Variants in RAB3IL1 observed in about 807,000 individuals in gnomAD.
RAB3IL1 encodes the protein guanine nucleotide exchange factor for Rab-3A.
In RAB3IL1, 37 loss-of-function variants were observed where a neutral mutation model predicts 49.2. The ratio of observed to expected loss-of-function variants is 0.75; its 90% CI spans 0.58 to 0.99. The LOEUF is 0.99. RAB3IL1 is among the 50% of genes least tolerant of loss of function. The pLI is 0.00. For missense variants in RAB3IL1, 484 were observed against 513.0 expected (o/e 0.94, Z 0.55); for synonymous variants, 193 against 213.9 (o/e 0.90, Z 0.85).
chr11:61,920,646 G>C (rs1049728837), upstream of RAB3IL1, among the ~76,000 whole-genome samples: 5 of 152,244 alleles, frequency 3.3e-5, no homozygotes, highest in African/African-American at 1.2e-4. Flanking sequence ...GTTATTGGTG[G>C]GGCGCGGAGG....
At chr11:61,920,258 T>A (rs1939869115), upstream of RAB3IL1, 11 of 1,235,064 alleles carry the variant, frequency 8.9e-6, no homozygotes, top group Non-Finnish European at 1.1e-5. Context: ...GGAGCCTTCT[T>A]CCCCCCACCA....
At chr11:61,946,166 G>A in the RAB3IL1 span, among the ~76,000 whole-genome samples, 8 of 152,070 alleles carry the variant, frequency 5.3e-5, no homozygotes, top group Non-Finnish European at 1.0e-4. Flanking sequence ...TTCTGTGACT[G>A]GCCCAAGAGA....
chr11:61,912,986 C>T (rs988171288), intron 1 of RAB3IL1, among the ~76,000 whole-genome samples: 2 of 152,040 alleles, frequency 1.3e-5, no homozygotes, highest in Non-Finnish European at 1.5e-5. Flanking sequence ...CTGAGAACAG[C>T]GGTACCCATG....
rs368395081 is a variant in RAB3IL1, at chr11:61,904,538, C to T, written c.899+8G>A. On this transcript the variant is annotated splice_region_variant and intron_variant, in intron 7 of 9. Coordinates refer to ENST00000394836, the MANE Select transcript of RAB3IL1 (RefSeq NM_013401.4). ...ATGGGCAGGAAGGAGCTAAGACCCT[C>T]AGCTTACTTGGTGCTGCTACAGTCA... 1.3e-6 allele frequency: 2 copies of T among 1,599,094 alleles called. No homozygotes were observed. Among genetic ancestry groups the T allele is most frequent in the African/African-American group, 1.3e-5 (1 of 74,790 alleles).
intron 8 of RAB3IL1, among the ~76,000 whole-genome samples, chr11:61,901,690 T>A (rs531382786): frequency 1.3e-5 from 2 of 152,192 alleles, no homozygotes; most frequent in Non-Finnish European, 2.9e-5. Flanking sequence ...AAGCTGAGGG[T>A]GTCCCCTTGC....
upstream of RAB3IL1, among the ~76,000 whole-genome samples, chr11:61,920,698 C>T (rs1394470707): frequency 6.6e-6 from 1 of 152,190 alleles, no homozygotes; most frequent in Admixed American, 6.5e-5. Flanking sequence ...CTGAGGCGGG[C>T]GGATGACCTG....
At position 61,898,301 on chromosome 11, in the gene RAB3IL1, C is replaced by T. The variant is rs372306821; in HGVS notation, c.1126G>A (p.Gly376Ser). The change falls in exon 10 of 10, where the codon GGC becomes AGC. Residue 376 changes from glycine to serine, a missense_variant. Gly to Ser is a moderately conservative substitution (Grantham distance 56). Transcript: ENST00000394836. This position sits in a 1 kb window ranked among gnomAD's most constrained non-coding sequence, Gnocchi z 5.1. ...CCCTAAGCCTCCTGGGGGAAGAAGC[C>T]GAGCTTGGCCAGTGACATCTCCTTC... ...LRKEMSLAKL[G>S]FFPQEA The T allele has an allele frequency of 2.0e-5, 32 of 1,613,332 alleles. No homozygotes were observed. The highest frequency in any genetic ancestry group is 3.3e-5 in the Admixed American group (2 of 59,996).
At chr11:61,899,765 G>A (rs193116834) in intron 8 of RAB3IL1, 4 of 206,598 alleles carry the variant, frequency 1.9e-5, no homozygotes, top group Non-Finnish European at 3.0e-5. Flanking sequence ...GTCTACACTC[G>A]CCCTCTCACA....
chr11:61,914,055 G>A (rs1939575409), intron 1 of RAB3IL1, among the ~76,000 whole-genome samples: 1 of 152,198 alleles, frequency 6.6e-6, no homozygotes, highest in African/African-American at 2.4e-5. Context: ...CCTTCCCAAT[G>A]AAGAGGCCTG....
chr11:61,931,443 A>G, the RAB3IL1 span, among the ~76,000 whole-genome samples: 1 of 152,238 alleles, frequency 6.6e-6, no homozygotes, highest in Admixed American at 6.5e-5. Flanking sequence ...AATGTTACCC[A>G]ACAAAATATC....
chr11:61,923,071 C>A (rs1042380556), upstream of RAB3IL1, among the ~76,000 whole-genome samples: 1 of 152,156 alleles, frequency 6.6e-6, no homozygotes, highest in Non-Finnish European at 1.5e-5. Context: ...AGCCTCTTGG[C>A]CGGGGGCGGG....
rs754027212 is a variant in RAB3IL1, at chr11:61,898,247, T to C, written c.*31A>G. 6.2e-7 allele frequency: 1 copy of C among 1,601,068 alleles called. No individual in the cohort carries two copies. The highest frequency in any genetic ancestry group is 2.2e-5 in the East Asian group (1 of 44,834). ...TTCTGGGGTGGGTGTTTGCTCTGTC[T>C]CAGAGCTCCCCTTCAGGCCTGGGCC... On this transcript the variant is annotated 3_prime_UTR_variant, in exon 10 of 10. Transcript: ENST00000394836. The surrounding 1 kb of genome is among the most constrained non-coding windows in gnomAD (Gnocchi z 5.1).
the RAB3IL1 span, among the ~76,000 whole-genome samples, chr11:61,941,808 C>G: frequency 4.6e-5 from 7 of 152,066 alleles, no homozygotes; most frequent in African/African-American, 1.7e-4. Context: ...TGCAAATATC[C>G]TCAACCAAAT....
At chr11:61,902,685 CA>C (rs1938982391) in intron 7 of RAB3IL1, 144 bp from the exon 8 acceptor site, 1 of 718,090 alleles carries the variant, frequency 1.4e-6, no homozygotes, top group African/African-American at 1.8e-5. Context: ...CAAAGGAACC[CA>C]GAGCCAGGCA....
At chr11:61,930,071 G>T in the RAB3IL1 span, among the ~76,000 whole-genome samples, 2 of 151,158 alleles carry the variant, frequency 1.3e-5, no homozygotes, top group African/African-American at 2.4e-5. Flanking sequence ...AATCTTTGTG[G>T]TTTTAGTAGA....
At chr11:61,935,435 A>AG in the RAB3IL1 span, among the ~76,000 whole-genome samples, 1,613 of 144,760 alleles carry the variant, frequency 0.011, 27 homozygotes, top group Admixed American at 0.013. Context: ...AAAAAAAAAA[A>AG]AAAGAAAGAA....
upstream of RAB3IL1, among the ~76,000 whole-genome samples, chr11:61,922,203 C>A (rs191499145): frequency 6.8e-6 from 1 of 146,836 alleles, no homozygotes; most frequent in Non-Finnish European, 1.5e-5. Context: ...AGCGAGACTC[C>A]GTCTCAAAAA....
At chr11:61,899,622 C>T (rs968013704) in intron 8 of RAB3IL1, 2 of 500,724 alleles carry the variant, frequency 4.0e-6, no homozygotes, top group African/African-American at 3.8e-5. Flanking sequence ...AGCAGACGCG[C>T]TTATTATTCC....
chr11:61,943,011 A>G, the RAB3IL1 span, among the ~76,000 whole-genome samples: 1 of 152,358 alleles, frequency 6.6e-6, no homozygotes, highest in African/African-American at 2.4e-5. Flanking sequence ...AGGCGATCCT[A>G]AAATTCACAT....
Sources: gnomAD v4.1 joint callset for allele counts (sites outside exome capture counted in the v4.1 genomes callset) on GRCh38, gnomAD v4.1.1 for gene constraint, Gnocchi (gnomAD v3.1) non-coding constraint, MANE v1.5 for transcripts, NCBI Gene and HGNC (gene_info 2026-07-23, HGNC 2026-07-21) for gene names.